Variants in FOXP1 observed in about 807,000 individuals in gnomAD.
FOXP1 encodes the protein forkhead box protein P1.
In FOXP1, 15 loss-of-function variants were observed where a neutral mutation model predicts 98.2. The ratio of observed to expected loss-of-function variants is 0.15; its 90% CI spans 0.10 to 0.24. FOXP1 has a LOEUF of 0.24. Ranked by LOEUF, FOXP1 falls within the 10% of genes least tolerant of loss-of-function variation. The pLI, the probability that FOXP1 is intolerant of heterozygous loss-of-function variation, is 1.00. For missense variants in FOXP1, 633 were observed against 848.5 expected (o/e 0.75, Z 3.15); for synonymous variants, 371 against 314.5 (o/e 1.18, Z -1.90).
intron 5 of FOXP1, among the ~76,000 whole-genome samples, chr3:71,232,244 G>A (rs1170389513): frequency 2.0e-5 from 3 of 152,226 alleles, no homozygotes; most frequent in African/African-American, 7.2e-5. Flanking sequence ...AACAATTAGA[G>A]AAGGGAGGGG....
chr3:70,995,241 C>G (rs2041204161), intron 13 of FOXP1, among the ~76,000 whole-genome samples: 2 of 152,094 alleles, frequency 1.3e-5, no homozygotes, highest in South Asian at 4.2e-4. Context: ...CAGTGGGGGC[C>G]CAATATCGCG....
intron 7 of FOXP1, among the ~76,000 whole-genome samples, chr3:71,103,584 A>G (rs991438940): frequency 2.0e-5 from 3 of 152,140 alleles, no homozygotes; most frequent in African/African-American, 7.2e-5. Flanking sequence ...TCTAGGCTCC[A>G]GGAAATTTTC....
At chr3:71,366,861 A>C (rs1283478180) in intron 3 of FOXP1, among the ~76,000 whole-genome samples, 1 of 152,214 alleles carries the variant, frequency 6.6e-6, no homozygotes, top group Non-Finnish European at 1.5e-5. Context: ...TCCCTAAATA[A>C]ATTAAATTTT....
intron 3 of FOXP1, among the ~76,000 whole-genome samples, chr3:71,382,279 A>G (rs75940969): frequency 0.011 from 1,667 of 152,172 alleles, 34 homozygotes; most frequent in African/African-American, 0.038. Flanking sequence ...CCAAAACAAG[A>G]AAAAAGGTGG....
chr3:71,317,557 G>A (rs1444683990), intron 4 of FOXP1, among the ~76,000 whole-genome samples: 3 of 152,096 alleles, frequency 2.0e-5, no homozygotes, highest in Non-Finnish European at 2.9e-5. Context: ...AGCAATTTGG[G>A]CTTCTAAAAG....
chr3:71,113,907 AG>A (rs2058152233), intron 6 of FOXP1, among the ~76,000 whole-genome samples: 1 of 152,288 alleles, frequency 6.6e-6, no homozygotes, highest in African/African-American at 2.4e-5. Flanking sequence ...CTGAAGTTTG[AG>A]GATATCATGC....
intron 4 of FOXP1, among the ~76,000 whole-genome samples, chr3:71,325,140 C>T (rs1172713795): frequency 1.3e-5 from 2 of 151,468 alleles, no homozygotes; most frequent in African/African-American, 4.9e-5. Context: ...GCAACCTCCA[C>T]CTCCCGGGTT....
chr3:70,959,454 T>C (rs1230290724), intron 20 of FOXP1, 63 bp from the exon 21 acceptor site: 9 of 1,601,808 alleles, frequency 5.6e-6, no homozygotes, highest in African/African-American at 1.3e-5. Flanking sequence ...TCAGGTGCAC[T>C]GAAAAGTTTG....
At chr3:71,495,758 C>A (rs576792085) in intron 2 of FOXP1, among the ~76,000 whole-genome samples, 2 of 152,150 alleles carry the variant, frequency 1.3e-5, no homozygotes, top group African/African-American at 2.4e-5. Context: ...CCAGCCAATA[C>A]CCTAATATAA....
At chr3:71,310,106 A>G (rs1460945125) in intron 4 of FOXP1, among the ~76,000 whole-genome samples, 1 of 152,202 alleles carries the variant, frequency 6.6e-6, no homozygotes, top group African/African-American at 2.4e-5. Flanking sequence ...CTGAGCAACT[A>G]CTGTGGTATT....
At chr3:71,278,648 G>T (rs986399515) in intron 5 of FOXP1, among the ~76,000 whole-genome samples, 1 of 152,154 alleles carries the variant, frequency 6.6e-6, no homozygotes, top group African/African-American at 2.4e-5. Context: ...AGGTATGGTG[G>T]TATGCACCTG....
intron 7 of FOXP1, among the ~76,000 whole-genome samples, chr3:71,091,305 C>CA (rs2055813129): frequency 1.3e-5 from 2 of 152,014 alleles, no homozygotes. Context: ...GCCTGACCAA[C>CA]ATGAAGAAAC....
intron 3 of FOXP1, among the ~76,000 whole-genome samples, chr3:71,463,828 G>A (rs2088415361): frequency 6.6e-6 from 1 of 152,126 alleles, no homozygotes; most frequent in Non-Finnish European, 1.5e-5. Flanking sequence ...CACCTGCAGA[G>A]GCATATATTT....
intron 7 of FOXP1, among the ~76,000 whole-genome samples, chr3:71,095,257 T>A (rs867709405): frequency 1.3e-5 from 2 of 152,156 alleles, no homozygotes; most frequent in African/African-American, 2.4e-5. Context: ...TTAAAAAAAA[T>A]ATTAGACTGC....
In FOXP1 at chr3:71,328,758, A is replaced by C. The variant is rs1386164974; in HGVS notation, c.-72-28878T>G. Among the ~76,000 whole-genome samples, 16 of 152,122 alleles carry C rather than the reference A, an allele frequency of 1.1e-4. No homozygotes were observed. The East Asian group carries it at 2.9e-3, about 28-fold the overall frequency. Reference sequence around the variant, plus strand: ...GAGGCTGAGGCAGTTGGATCACCGGAGGTTGGGAGTTCAAGACCAGCCTGA... The same window carrying C: ...GAGGCTGAGGCAGTTGGATCACCGGCGGTTGGGAGTTCAAGACCAGCCTGA... On this transcript the variant is annotated intron_variant, in intron 4 of 20. Transcript: ENST00000649528.
At chr3:71,441,355 C>A (rs1459645523) in intron 3 of FOXP1, among the ~76,000 whole-genome samples, 2 of 152,362 alleles carry the variant, frequency 1.3e-5, no homozygotes. Context: ...ACACATCCCA[C>A]CGTGCACAGC....
intron 4 of FOXP1, among the ~76,000 whole-genome samples, chr3:71,308,650 G>A (rs1279049554): frequency 1.3e-5 from 2 of 151,630 alleles, no homozygotes; most frequent in Non-Finnish European, 2.9e-5. Flanking sequence ...GTCGCCCAAG[G>A]ATCCTACATA....
rs369695341 is a variant in FOXP1 at position 71,238,899 on chromosome 3, C to CA, written c.-11-40508dup. 3.5e-3 allele frequency among the ~76,000 whole-genome samples: 533 copies of CA among 152,312 alleles called. 5 individuals are homozygous for CA. Among genetic ancestry groups the CA allele is most frequent in the African/African-American group, 0.012 (494 of 41,556 alleles). ...TTTAATAGCTTTACACTTTAGAGAGCATTTTCTTCTGTATTTTCTCATTTG... is the reference window on the plus strand; with the variant it reads ...TTTAATAGCTTTACACTTTAGAGAGCAATTTTCTTCTGTATTTTCTCATTTG... On this transcript the variant is annotated intron_variant, in intron 5 of 20. Transcript: ENST00000649528.
chr3:71,181,072 T>A (rs537666138), intron 6 of FOXP1, among the ~76,000 whole-genome samples: 2 of 152,340 alleles, frequency 1.3e-5, no homozygotes, highest in African/African-American at 4.8e-5. Context: ...GAATTCGTAC[T>A]GAGTTCCATT....
Sources: allele counts gnomAD v4.1 joint callset (sites outside exome capture counted in the v4.1 genomes callset), GRCh38; gene constraint gnomAD v4.1.1; transcripts MANE v1.5; gene names NCBI Gene and HGNC (gene_info 2026-07-23, HGNC 2026-07-21).